The following CNTN1 variants were observed in gnomAD, a reference collection of about 807,000 sequenced individuals.
The protein encoded by CNTN1 is contactin-1.
A neutral mutation model predicts 126.4 loss-of-function variants in CNTN1; 38 were observed. That is an observed-to-expected ratio of 0.30 (90% CI 0.23 to 0.39). The LOEUF (loss-of-function observed/expected upper bound fraction) is 0.39, where lower values mean the gene tolerates loss of function less well. CNTN1 is among the 10% of genes least tolerant of loss of function. CNTN1 has a pLI of 1.00. For missense variants in CNTN1, 1,009 were observed against 1,248.4 expected (o/e 0.81, Z 2.89); for synonymous variants, 413 against 422.6 (o/e 0.98, Z 0.28).
At chr12:40,836,156 TA>T (rs35710319) in intron 1 of CNTN1, among the ~76,000 whole-genome samples, 61,910 of 146,088 alleles carry the variant, frequency 0.42, 13,581 homozygotes, top group East Asian at 0.7. Context: ...ACATATATGA[TA>T]ATATATAATC....
chr12:40,830,950 TATATATATATATACAC>T (rs1460091663), intron 1 of CNTN1, among the ~76,000 whole-genome samples: 1 of 123,084 alleles, frequency 8.1e-6, no homozygotes, highest in African/African-American at 2.8e-5. Context: ...TATATATATA[TATATATATATATACAC>T]ACACACACAC....
intron 1 of CNTN1, among the ~76,000 whole-genome samples, chr12:40,722,164 T>A (rs971174363): frequency 2.0e-5 from 3 of 152,116 alleles, no homozygotes; most frequent in African/African-American, 7.2e-5. Context: ...TTCCTTATAA[T>A]ATGGAAATTC....
At chr12:40,805,942 C>T (rs555221837) in intron 1 of CNTN1, among the ~76,000 whole-genome samples, 1 of 152,196 alleles carries the variant, frequency 6.6e-6, no homozygotes, top group East Asian at 1.9e-4. Context: ...GGCTGGGTTG[C>T]TGTTGCTTGT....
At chr12:40,798,411 C>T (rs1180566714) in intron 1 of CNTN1, among the ~76,000 whole-genome samples, 1 of 151,882 alleles carries the variant, frequency 6.6e-6, no homozygotes, top group Non-Finnish European at 1.5e-5. Context: ...TTCAGACAAA[C>T]AAAGCTGCAC....
intron 1 of CNTN1, among the ~76,000 whole-genome samples, chr12:40,806,216 C>A (rs1339806548): frequency 6.6e-6 from 1 of 152,110 alleles, no homozygotes; most frequent in Admixed American, 6.6e-5. Context: ...TCTGCCCCTC[C>A]TCCCCATGAA....
At chr12:40,937,992 G>T (rs1946137867) in intron 11 of CNTN1, among the ~76,000 whole-genome samples, 1 of 152,138 alleles carries the variant, frequency 6.6e-6, no homozygotes, top group Non-Finnish European at 1.5e-5. Context: ...ACTTTAAAAA[G>T]ATACCCAGAT....
chr12:40,963,104 AT>A (rs1275777162), intron 15 of CNTN1, among the ~76,000 whole-genome samples: 15 of 152,200 alleles, frequency 9.9e-5, no homozygotes, highest in Admixed American at 5.2e-4. Flanking sequence ...ATTTAGATAA[AT>A]AAAATATGAA....
intron 1 of CNTN1, among the ~76,000 whole-genome samples, chr12:40,771,456 A>T (rs1030069819): frequency 6.6e-6 from 1 of 152,070 alleles, no homozygotes; most frequent in African/African-American, 2.4e-5. Context: ...TCTTGCAAAT[A>T]TTCTGCTAGA....
At chr12:40,908,294 CCCTTCCTTCCCCTCT>C (rs768800695) in intron 1 of CNTN1, 48 bp from the exon 2 acceptor site, 42 of 616,694 alleles carry the variant, frequency 6.8e-5, no homozygotes, top group Non-Finnish European at 1.1e-4. Context: ...TCCTCCTCTC[CCCTTCCTTCCCCTCT>C]CCTTCCTTCT....
At chr12:40,864,489 C>T (rs1245423068) in intron 1 of CNTN1, among the ~76,000 whole-genome samples, 1 of 151,890 alleles carries the variant, frequency 6.6e-6, no homozygotes. Flanking sequence ...TTCATTCTGC[C>T]CCCATCCCCT....
intron 1 of CNTN1, among the ~76,000 whole-genome samples, chr12:40,780,298 A>AT (rs1364152188): frequency 3.3e-5 from 5 of 151,926 alleles, no homozygotes; most frequent in African/African-American, 1.2e-4. Flanking sequence ...AACTTGTCAC[A>AT]TACATATCCC....
At chr12:40,847,746 G>C (rs1942564082) in intron 1 of CNTN1, among the ~76,000 whole-genome samples, 1 of 152,168 alleles carries the variant, frequency 6.6e-6, no homozygotes, top group Admixed American at 6.5e-5. Flanking sequence ...CTGAAGGAGT[G>C]GGCTGTCCCT....
chr12:40,947,464 A>G (rs1946471112), intron 14 of CNTN1, among the ~76,000 whole-genome samples: 1 of 152,054 alleles, frequency 6.6e-6, no homozygotes, highest in Admixed American at 6.6e-5. Flanking sequence ...ATAGCTACTT[A>G]ATGCCTTGGA....
chr12:41,067,646 T>C (rs1005882082), intron 23 of CNTN1, among the ~76,000 whole-genome samples: 2 of 147,534 alleles, frequency 1.4e-5, no homozygotes, highest in African/African-American at 2.5e-5. Context: ...GGGATAGCAT[T>C]GGGAGATATA....
At chr12:40,844,805 G>A (rs1262526720) in intron 1 of CNTN1, among the ~76,000 whole-genome samples, 1 of 151,962 alleles carries the variant, frequency 6.6e-6, no homozygotes. Context: ...TTGCAGTAAC[G>A]TTTTTCTTAA....
chr12:40,999,697 C>CTT (rs398019220), intron 17 of CNTN1, among the ~76,000 whole-genome samples: 8,753 of 86,560 alleles, frequency 0.1, 605 homozygotes, highest in Non-Finnish European at 0.13. Flanking sequence ...TTCTTCTGTG[C>CTT]TTTTTTTTTT....
chr12:40,705,714 G>T (rs1941721626), intron 1 of CNTN1, among the ~76,000 whole-genome samples: 2 of 152,042 alleles, frequency 1.3e-5, no homozygotes, highest in Non-Finnish European at 2.9e-5. Flanking sequence ...CCTGAGACTG[G>T]GTAATTTATA....
At chr12:40,839,706 C>T (rs1234147315) in intron 1 of CNTN1, among the ~76,000 whole-genome samples, 1 of 152,114 alleles carries the variant, frequency 6.6e-6, no homozygotes, top group East Asian at 1.9e-4. Context: ...TAAAGTCTTT[C>T]CTAGTCAAGC....
At chr12:40,836,180 A>G (rs1942052158) in intron 1 of CNTN1, among the ~76,000 whole-genome samples, 2 of 147,848 alleles carry the variant, frequency 1.4e-5, no homozygotes, top group South Asian at 4.2e-4. Flanking sequence ...ATATATGTGT[A>G]TATATAGTAT....
Sources: gnomAD v4.1 joint callset for allele counts (sites outside exome capture counted in the v4.1 genomes callset) on GRCh38, gnomAD v4.1.1 for gene constraint, MANE v1.5 for transcripts, NCBI Gene and HGNC (gene_info 2026-07-23, HGNC 2026-07-21) for gene names.